The following SMARCA2 variants were observed in gnomAD, a reference collection of about 807,000 sequenced individuals.
The protein encoded by SMARCA2 is SWI/SNF-related matrix-associated actin-dependent regulator of chromatin subfamily A member 2.
SMARCA2 carries 61 observed loss-of-function variants against 199.8 expected under a neutral mutation model. The ratio of observed to expected loss-of-function variants is 0.31; its 90% CI spans 0.25 to 0.38. The LOEUF is 0.38. Ranked by LOEUF, SMARCA2 falls within the 10% of genes least tolerant of loss-of-function variation. The probability of loss-of-function intolerance (pLI) is 1.00; values close to 1 mark genes in which losing one functional copy is unlikely to be tolerated. For synonymous variants in SMARCA2, 935 were observed against 732.0 expected, an observed-to-expected ratio of 1.28 and a Z score of -4.48; for missense variants, 1,344 against 2,012.2, an observed-to-expected ratio of 0.67 and a Z score of 6.35.
rs369042406 is a variant in SMARCA2 at position 2,060,990 on chromosome 9, C to G, written c.1692+4C>G. On this transcript the variant is annotated splice_donor_region_variant and intron_variant, in intron 9 of 33. Coordinates refer to ENST00000349721, the MANE Select transcript of SMARCA2 (RefSeq NM_003070.5). ...GAAGAGGAGGAGGAGGAAGAAGGTG[C>G]GTATCCTAGTGGTGGTGGCTGAGTC... The G allele has an allele frequency of 8.7e-6, 14 of 1,612,000 alleles. No individual in the cohort carries two copies. In the East Asian group the frequency reaches 1.8e-4, roughly 21 times the overall value.
chr9:2,079,300 A>G (rs1821462404), intron 14 of SMARCA2, among the ~76,000 whole-genome samples: 1 of 152,176 alleles, frequency 6.6e-6, no homozygotes, highest in Non-Finnish European at 1.5e-5. Context: ...ACCAAACCCT[A>G]TTTTTATATC....
intron 32 of SMARCA2, 21 bp from the exon 33 acceptor site, chr9:2,191,245 T>TC: frequency 6.2e-7 from 1 of 1,612,672 alleles, no homozygotes; most frequent in African/African-American, 1.3e-5. Context: ...CTGGTGTCTA[T>TC]TTCATTTGCT....
chr9:2,098,934 C>T (rs904267097), intron 21 of SMARCA2, among the ~76,000 whole-genome samples: 6 of 145,892 alleles, frequency 4.1e-5, no homozygotes, highest in African/African-American at 1.0e-4. Context: ...GTGACAACAG[C>T]GAAACTCGGT....
intron 27 of SMARCA2, among the ~76,000 whole-genome samples, chr9:2,151,234 G>A (rs1825058205): frequency 2.0e-5 from 3 of 151,568 alleles, no homozygotes; most frequent in East Asian, 3.8e-4. Context: ...GTATGTAGCT[G>A]TGTTGCTGCC....
intron 3 of SMARCA2, among the ~76,000 whole-genome samples, chr9:2,038,714 C>T (rs541501563): frequency 2.0e-5 from 3 of 152,082 alleles, no homozygotes; most frequent in South Asian, 2.1e-4. Context: ...TTTTCATACC[C>T]CTATTAGTGT....
intron 5 of SMARCA2, among the ~76,000 whole-genome samples, chr9:2,049,796 A>G (rs1022973810): frequency 2.0e-5 from 3 of 152,262 alleles, no homozygotes; most frequent in African/African-American, 7.2e-5. Flanking sequence ...GCAAAAGACA[A>G]CAAATGAACC....
intron 27 of SMARCA2, among the ~76,000 whole-genome samples, chr9:2,148,246 A>G (rs1445246834): frequency 6.6e-6 from 1 of 151,668 alleles, no homozygotes; most frequent in Non-Finnish European, 1.5e-5. Flanking sequence ...TCCAGTAATA[A>G]GTATAACTAA....
intron 27 of SMARCA2, among the ~76,000 whole-genome samples, chr9:2,130,861 C>T (rs6475521): frequency 6.6e-6 from 1 of 151,996 alleles, no homozygotes; most frequent in Non-Finnish European, 1.5e-5. Context: ...CAGTGGGCCA[C>T]GGTTTTCCGG....
intron 19 of SMARCA2, among the ~76,000 whole-genome samples, chr9:2,089,492 C>T (rs1316456693): frequency 6.6e-6 from 1 of 152,050 alleles, no homozygotes; most frequent in African/African-American, 2.4e-5. Flanking sequence ...ATTGGTTCAT[C>T]CTGTTCATTT....
At chr9:2,025,768 T>A (rs1818803318) in intron 1 of SMARCA2, among the ~76,000 whole-genome samples, 1 of 152,178 alleles carries the variant, frequency 6.6e-6, no homozygotes, top group Non-Finnish European at 1.5e-5. Context: ...TGTGGGAAAG[T>A]TTAATTACAT....
intron 12 of SMARCA2, among the ~76,000 whole-genome samples, chr9:2,074,023 A>G (rs534822333): frequency 1.3e-5 from 2 of 152,298 alleles, no homozygotes; most frequent in East Asian, 3.9e-4. Flanking sequence ...CAGACCTTCG[A>G]GTCTATTTGC....
At chr9:2,184,969 C>T (rs1827332734) in intron 31 of SMARCA2, among the ~76,000 whole-genome samples, 2 of 151,690 alleles carry the variant, frequency 1.3e-5, no homozygotes, top group African/African-American at 4.9e-5. Flanking sequence ...GTCTTCTTTA[C>T]AATAAAAGGA....
chr9:2,068,700 C>G (rs904904924), intron 9 of SMARCA2, among the ~76,000 whole-genome samples: 1 of 151,196 alleles, frequency 6.6e-6, no homozygotes, highest in Non-Finnish European at 1.5e-5. Context: ...TCTCAAGCAT[C>G]TTGGCAAAGG....
chr9:2,063,190 A>G (rs1383775779), intron 9 of SMARCA2, among the ~76,000 whole-genome samples: 1 of 152,118 alleles, frequency 6.6e-6, no homozygotes, highest in African/African-American at 2.4e-5. Flanking sequence ...AAGAAGGGGG[A>G]AGAAAAAAAG....
intron 10 of SMARCA2, among the ~76,000 whole-genome samples, chr9:2,072,345 T>G (rs1163858909): frequency 1.3e-5 from 2 of 152,228 alleles, no homozygotes; most frequent in Admixed American, 6.5e-5. Context: ...TCAGGAGCAG[T>G]CATTCGTTAC....
intron 1 of SMARCA2, among the ~76,000 whole-genome samples, chr9:2,018,748 A>C (rs150084231): frequency 6.6e-6 from 1 of 152,360 alleles, no homozygotes; most frequent in East Asian, 1.9e-4. Context: ...TGAGAACCCT[A>C]ATAATAATTT....
chr9:2,174,253 C>G (rs10965093), intron 29 of SMARCA2, among the ~76,000 whole-genome samples: 58,122 of 152,090 alleles, frequency 0.38, 11,996 homozygotes, highest in Admixed American at 0.48. Flanking sequence ...CTGGAAATAA[C>G]AAAATGGATT....
chr9:2,115,920 C>A lies in SMARCA2; in HGVS notation c.3555C>A (p.Leu1185=). 3.7e-6 allele frequency: 6 copies of A among 1,614,046 alleles called. No homozygotes were observed. The highest frequency in any genetic ancestry group is 5.1e-6 in the Non-Finnish European group (6 of 1,180,008). ...TGAACAGCGTGGAGGAAAAGATCCTCGCGGCCGCAAAATACAAGCTGAACG... is the reference window on the plus strand; with the variant it reads ...TGAACAGCGTGGAGGAAAAGATCCTAGCGGCCGCAAAATACAAGCTGAACG... ...CTVNSVEEKI[L]AAAKYKLNVD... The change falls in exon 25 of 34, where the codon CTC becomes CTA. Residue 1185 remains leucine, a synonymous_variant. Transcript: ENST00000349721. This position sits in a 1 kb window ranked among gnomAD's most constrained non-coding sequence, Gnocchi z 6.0.
chr9:2,033,587 A>G (rs1055108347), intron 3 of SMARCA2, among the ~76,000 whole-genome samples: 1 of 152,216 alleles, frequency 6.6e-6, no homozygotes, highest in African/African-American at 2.4e-5. Context: ...TGGCAGTGAA[A>G]TTATGTGTCA....
Sources: gnomAD v4.1 joint callset for allele counts (sites outside exome capture counted in the v4.1 genomes callset) on GRCh38, gnomAD v4.1.1 for gene constraint, Gnocchi (gnomAD v3.1) non-coding constraint, MANE v1.5 for transcripts, NCBI Gene and HGNC (gene_info 2026-07-23, HGNC 2026-07-21) for gene names.